The following SLC20A2 variants were observed in gnomAD, a reference collection of about 807,000 sequenced individuals.
SLC20A2 encodes sodium-dependent phosphate transporter 2.
In SLC20A2, 30 loss-of-function variants were observed where a neutral mutation model predicts 61.0. That is an observed-to-expected ratio of 0.49 (90% confidence interval 0.37 to 0.67). The LOEUF is 0.67. SLC20A2 is among the 30% of genes least tolerant of loss of function. The pLI is 0.00. For missense variants in SLC20A2, 626 were observed against 866.4 expected (o/e 0.72, Z 3.48); for synonymous variants, 351 against 353.3 (o/e 0.99, Z 0.07).
chr8:42,461,881 G>C (rs925879052), intron 4 of SLC20A2, among the ~76,000 whole-genome samples: 2 of 152,008 alleles, frequency 1.3e-5, no homozygotes, highest in Admixed American at 6.6e-5. Flanking sequence ...CAAGTGTCTT[G>C]TAAGTGCTAA....
chr8:42,510,662 C>CT (rs1457165109), intron 1 of SLC20A2, among the ~76,000 whole-genome samples: 1 of 152,008 alleles, frequency 6.6e-6, no homozygotes, highest in Non-Finnish European at 1.5e-5. Context: ...CTGTAGGAGT[C>CT]TTTTAACAGA....
chr8:42,472,535 A>G lies in SLC20A2; in HGVS notation c.-145T>C, dbSNP rs940676689. 1.4e-6 allele frequency: 1 copy of G among 716,846 alleles called. No individual in the cohort carries two copies. The highest frequency in any genetic ancestry group is 1.8e-5 in the African/African-American group (1 of 55,952). 44.4% of individuals were successfully genotyped at this position (716,846 alleles called of 1,614,324 possible). On this transcript the variant is annotated 5_prime_UTR_variant, in exon 2 of 11. Coordinates refer to ENST00000520262, the MANE Select transcript of SLC20A2 (RefSeq NM_001257180.2). This position sits in a 1 kb window ranked among gnomAD's most constrained non-coding sequence, Gnocchi z 4.1. ...TGCTGGACAATGTTAGAGGCTGGAC[A>G]AACTGCTAGCTGCTGGTTTGCAAAC...
chr8:42,539,262 C>G (rs1329429967), intron 1 of SLC20A2, among the ~76,000 whole-genome samples: 1 of 152,210 alleles, frequency 6.6e-6, no homozygotes, highest in Non-Finnish European at 1.5e-5. Flanking sequence ...ACACATCCAA[C>G]TCTCCAGTCC....
At chr8:42,528,441 G>A (rs746278640) in intron 1 of SLC20A2, among the ~76,000 whole-genome samples, 10 of 149,644 alleles carry the variant, frequency 6.7e-5, no homozygotes, top group African/African-American at 1.5e-4. Flanking sequence ...CAGCCTGGGC[G>A]ACAAAGCGAG....
intron 1 of SLC20A2, among the ~76,000 whole-genome samples, chr8:42,534,310 A>AG (rs1223542674): frequency 1.3e-5 from 2 of 152,302 alleles, no homozygotes; most frequent in East Asian, 3.9e-4. Context: ...AGGAAAGAAG[A>AG]GGTAACACTG....
At chr8:42,480,832 T>C (rs1586163240) in intron 1 of SLC20A2, among the ~76,000 whole-genome samples, 1 of 152,122 alleles carries the variant, frequency 6.6e-6, no homozygotes, top group East Asian at 1.9e-4. Context: ...GCTAATTTTG[T>C]TTTCTTTTTG....
chr8:42,487,379 G>C (rs371059975), intron 1 of SLC20A2, among the ~76,000 whole-genome samples: 1 of 150,266 alleles, frequency 6.7e-6, no homozygotes, highest in South Asian at 2.1e-4. Flanking sequence ...GGGTTTCACC[G>C]TGTTAGCCAG....
rs769438444 is a variant in SLC20A2, at chr8:42,417,841, T to C, written c.1921A>G (p.Met641Val). Reference sequence around the variant, plus strand: ...AGGATCCCATACATGAGAAGAGCCATGACAGCAGCGCTGAACAGCCCAGCC... The same window carrying C: ...AGGATCCCATACATGAGAAGAGCCACGACAGCAGCGCTGAACAGCCCAGCC... ...PVAGLFSAAV[M>V]ALLMYGILPY... is the part of the protein sequence containing the mutation. Residue 641 changes from methionine (M) to valine (V), a missense_variant, in exon 11 of 11, where the codon ATG (methionine) becomes GTG (valine). Met to Val is a conservative substitution (Grantham distance 21). This residue lies in a region of SLC20A2 where 138 missense variants were observed against 228.7 expected (regional missense o/e 0.60). Coordinates refer to ENST00000520262, the MANE Select transcript of SLC20A2 (RefSeq NM_001257180.2). 2 of 1,613,832 alleles carry C rather than the reference T, an allele frequency of 1.2e-6. No individual in the cohort carries two copies. Among genetic ancestry groups the C allele is most frequent in the Admixed American group, 1.7e-5 (1 of 59,982 alleles).
At chr8:42,453,513 G>A (rs1466003326) in intron 5 of SLC20A2, among the ~76,000 whole-genome samples, 1 of 152,042 alleles carries the variant, frequency 6.6e-6, no homozygotes, top group Non-Finnish European at 1.5e-5. Flanking sequence ...CCAAAAACAC[G>A]AACTAGGACA....
At chr8:42,443,267 A>ATG (rs1804933565) in intron 6 of SLC20A2, among the ~76,000 whole-genome samples, 1 of 2,338 alleles carries the variant, frequency 4.3e-4, no homozygotes, top group Non-Finnish European at 9.3e-4. Context: ...ATTATAGGAT[A>ATG]TATATATATA....
upstream of SLC20A2, among the ~76,000 whole-genome samples, chr8:42,505,992 G>A (rs1189673355): frequency 6.6e-6 from 1 of 151,996 alleles, no homozygotes; most frequent in Non-Finnish European, 1.5e-5. Context: ...CAAAGTCTCT[G>A]TCACAGTAGT....
intron 4 of SLC20A2, 99 bp from the exon 5 acceptor site, chr8:42,460,091 T>G: frequency 4.3e-6 from 3 of 689,848 alleles, no homozygotes; most frequent in African/African-American, 1.8e-5. Context: ...CAAGAAACTC[T>G]TCCCAAACCC....
At chr8:42,532,698 A>C (rs917390267) in intron 1 of SLC20A2, among the ~76,000 whole-genome samples, 1 of 152,218 alleles carries the variant, frequency 6.6e-6, no homozygotes, top group Admixed American at 6.5e-5. Flanking sequence ...TAACAAGCAC[A>C]GGAAGAAAAC....
rs755252506 is a variant in SLC20A2 at position 42,439,531 on chromosome 8, TG to T, written c.852del (p.Ile285SerfsTer33). ...LPGAKANDDSTIPLTGAAGET... is the reference protein window; with the variant it reads ...LPGAKANDDSXIPLTGAAGET... ...TCCCCTGCTGCTCCCGTGAGCGGGA[TG>T]GTGCTGTCATCATTAGCCTTGGCAC... On this transcript the variant is annotated frameshift_variant, in exon 7 of 11. Coordinates refer to ENST00000520262, the MANE Select transcript of SLC20A2 (RefSeq NM_001257180.2). LOFTEE classifies it high-confidence loss of function. 1.9e-6 allele frequency: 3 copies of T among 1,614,232 alleles called. No homozygotes were observed. The highest frequency in any genetic ancestry group is 2.5e-6 in the Non-Finnish European group (3 of 1,180,034).
At chr8:42,451,370 AGAGGAAGAGATGAAGAGGAG>A (rs1056849452) in intron 5 of SLC20A2, among the ~76,000 whole-genome samples, 7 of 135,026 alleles carry the variant, frequency 5.2e-5, no homozygotes, top group Non-Finnish European at 9.6e-5. Flanking sequence ...AAGAGATGGA[AGAGGAAGAGATGAAGAGGAG>A]GAGGAGGAAG....
intron 1 of SLC20A2, among the ~76,000 whole-genome samples, chr8:42,476,079 T>C (rs1686112968): frequency 7.0e-6 from 1 of 143,268 alleles, no homozygotes. Context: ...CCGGGTTTAC[T>C]GTGTCTTTTT....
At chr8:42,524,372 G>T (rs538770763) in intron 1 of SLC20A2, among the ~76,000 whole-genome samples, 1 of 151,982 alleles carries the variant, frequency 6.6e-6, no homozygotes, top group African/African-American at 2.4e-5. Context: ...GTTTTAACAC[G>T]ATTGGCCACA....
At chr8:42,429,764 C>T (rs1351101218) in intron 9 of SLC20A2, among the ~76,000 whole-genome samples, 1 of 152,160 alleles carries the variant, frequency 6.6e-6, no homozygotes, top group Non-Finnish European at 1.5e-5. Flanking sequence ...TGCCTTTGGC[C>T]CCCGTGCTGG....
At chr8:42,488,276 C>T (rs1809206456) in intron 1 of SLC20A2, among the ~76,000 whole-genome samples, 1 of 148,884 alleles carries the variant, frequency 6.7e-6, no homozygotes, top group East Asian at 2.0e-4. Context: ...ACCTCTGCCT[C>T]CCGGGTTCGA....
Sources: gnomAD v4.1 joint callset for allele counts (sites outside exome capture counted in the v4.1 genomes callset) on GRCh38, gnomAD v4.1.1 for gene constraint, gnomAD v4.1.1 regional missense constraint, Gnocchi (gnomAD v3.1) non-coding constraint, MANE v1.5 for transcripts, NCBI Gene and HGNC (gene_info 2026-07-23, HGNC 2026-07-21) for gene names.